Variants in TEX11 observed in about 807,000 individuals in gnomAD.
TEX11 encodes the protein testis-expressed protein 11.
TEX11 carries 7 observed loss-of-function variants against 84.4 expected under a neutral mutation model. The observed-to-expected ratio is 0.08, with a 90% CI of 0.05 to 0.16. The LOEUF is 0.16. Among genes scored for constraint, TEX11 ranks in the 10% least tolerant of loss-of-function variants. TEX11 has a pLI of 1.00. For synonymous variants in TEX11, 264 were observed against 222.8 expected, an observed-to-expected ratio of 1.18 and a Z score of -1.64; for missense variants, 551 against 660.5, an observed-to-expected ratio of 0.83 and a Z score of 1.82.
rs780763233 is a variant in TEX11, at chrX:70,603,801, C to T, written c.2067+1600G>A. Among the ~76,000 whole-genome samples, 137 of 110,565 alleles carry T rather than the reference C, an allele frequency of 1.2e-3. No homozygotes were observed. In the Middle Eastern group the frequency reaches 0.014, roughly 11 times the overall value. ...TGGGAGAAAATTTTCGCAACCTACT[C>T]ATCTGACAAAGGGCTAATATCCAGA... is the stretch of plus-strand genomic sequence containing the variant. On this transcript the variant is annotated intron_variant, in intron 24 of 29. Transcript: ENST00000374333.
chrX:70,684,188 G>C (rs1358448243), intron 13 of TEX11, among the ~76,000 whole-genome samples: 1 of 112,292 alleles, frequency 8.9e-6, no homozygotes, highest in Non-Finnish European at 1.9e-5. Context: ...TAAAGTTGCA[G>C]GTTACAAAAT....
chrX:70,897,230 T>TTA (rs1257209492), intron 2 of TEX11, among the ~76,000 whole-genome samples: 2 of 51,291 alleles, frequency 3.9e-5, no homozygotes, highest in African/African-American at 9.9e-5. Flanking sequence ...TATATATGTT[T>TTA]TATATATATA....
chrX:70,522,038 G>T, the TEX11 span, among the ~76,000 whole-genome samples: 1 of 110,965 alleles, frequency 9.0e-6, no homozygotes, highest in African/African-American at 3.3e-5. Context: ...TTTGTATTTT[G>T]TTGTAGAGAC....
chrX:70,626,792 T>G (rs1166069196), intron 18 of TEX11, among the ~76,000 whole-genome samples: 1 of 112,466 alleles, frequency 8.9e-6, no homozygotes, highest in Non-Finnish European at 1.9e-5. Context: ...GCAAGCATAT[T>G]GCACTTCCGT....
chrX:70,571,811 G>GAT (rs57471849), intron 25 of TEX11, among the ~76,000 whole-genome samples: 13,658 of 110,132 alleles, frequency 0.12, 713 homozygotes, highest in Middle Eastern at 0.19. Flanking sequence ...TATGTATTGT[G>GAT]ATATATATAT....
chrX:70,527,084 G>A (rs2147921425), downstream of TEX11, among the ~76,000 whole-genome samples: 1 of 112,185 alleles, frequency 8.9e-6, no homozygotes, highest in Admixed American at 9.5e-5. Flanking sequence ...AATAAATGAA[G>A]AAGGAATGAT....
At chrX:70,822,249 C>A (rs2091321826) in intron 8 of TEX11, among the ~76,000 whole-genome samples, 1 of 110,889 alleles carries the variant, frequency 9.0e-6, no homozygotes, top group African/African-American at 3.3e-5. Context: ...TATTTTCAAT[C>A]CCCAGTTGGT....
chrX:70,732,885 T>C (rs1224646417), intron 11 of TEX11, among the ~76,000 whole-genome samples: 1 of 112,000 alleles, frequency 8.9e-6, no homozygotes, highest in Non-Finnish European at 1.9e-5. Context: ...AGCATCACGC[T>C]ACCTGACTTC....
intron 10 of TEX11, among the ~76,000 whole-genome samples, chrX:70,743,711 G>C (rs1345230077): frequency 1.8e-5 from 2 of 110,387 alleles, no homozygotes; most frequent in Admixed American, 2.0e-4. Flanking sequence ...CCCCGTCTCT[G>C]CTAAAAACAC....
chrX:70,697,659 C>T (rs1045851987), intron 13 of TEX11, among the ~76,000 whole-genome samples: 2 of 111,949 alleles, frequency 1.8e-5, no homozygotes, highest in Non-Finnish European at 3.8e-5. Flanking sequence ...CACAGACATA[C>T]AGCTCAACTT....
Position 70,605,374 on chromosome X carries a change from GTCTTT to G in TEX11, c.2067+22_2067+26del. ...ATATCAAATAGCACACTGAACTCTT[GTCTTT>G]TCTTTGAAGGTTGCACATTACCTGT... is the stretch of plus-strand genomic sequence containing the variant. On this transcript the variant is annotated intron_variant, in intron 24 of 29. Coordinates refer to ENST00000374333, the MANE Select transcript of TEX11 (RefSeq NM_031276.3). 2.9e-6 allele frequency: 3 copies of G among 1,029,638 alleles called. No individual in the cohort carries two copies. In the East Asian group the frequency reaches 9.2e-5, roughly 32 times the overall value. 84.9% of individuals were successfully genotyped at this position (1,029,638 alleles called of 1,213,427 possible). A position where few individuals can be genotyped will look rare whatever the true frequency, so the allele number is the denominator to read the frequency against.
At chrX:70,514,367 C>T in the TEX11 span, among the ~76,000 whole-genome samples, 2 of 110,431 alleles carry the variant, frequency 1.8e-5, no homozygotes, top group East Asian at 2.9e-4. Context: ...GAGGCTGAGG[C>T]GGGTGGATCA....
At chrX:70,854,121 A>G (rs1043872674) in intron 5 of TEX11, among the ~76,000 whole-genome samples, 2 of 112,452 alleles carry the variant, frequency 1.8e-5, no homozygotes, top group African/African-American at 6.5e-5. Flanking sequence ...AGGGAAACCA[A>G]TGCCATGAAA....
chrX:70,890,575 C>T (rs1225705849), intron 2 of TEX11, among the ~76,000 whole-genome samples: 2 of 112,747 alleles, frequency 1.8e-5, no homozygotes, highest in South Asian at 3.7e-4. Flanking sequence ...CTTGGCAGGT[C>T]CCACGACAAC....
At chrX:70,551,991 G>T in intron 28 of TEX11, 135 bp downstream of exon 28, 1 of 725,700 alleles carries the variant, frequency 1.4e-6, no homozygotes, top group Non-Finnish European at 1.9e-6. Flanking sequence ...ATTCTGTAGT[G>T]TGTAACTACA....
intron 9 of TEX11, among the ~76,000 whole-genome samples, chrX:70,760,990 C>T (rs188059723): frequency 2.7e-4 from 30 of 112,189 alleles, no homozygotes; most frequent in East Asian, 1.7e-3. Context: ...ATTTATGCAG[C>T]GAACAGACAT....
intron 13 of TEX11, among the ~76,000 whole-genome samples, chrX:70,710,788 C>A (rs758260556): frequency 9.1e-6 from 1 of 110,114 alleles, no homozygotes; most frequent in South Asian, 3.9e-4. Flanking sequence ...AAAGATATAG[C>A]AAATTAATTT....
At position 70,529,078 on chromosome X, in the gene TEX11, T is replaced by C. The variant is rs746121115; in HGVS notation, c.*17A>G. 3.8e-5 allele frequency: 45 copies of C among 1,178,014 alleles called. No homozygotes were observed. The highest frequency in any genetic ancestry group is 3.1e-5 in the Non-Finnish European group (27 of 867,952). ...ATCTCGGGACAATGTATCTTCTTCA[T>C]GTGGCCATGAGCTTGCCTAATCTGA... is the stretch of plus-strand genomic sequence containing the variant. On this transcript the variant is annotated 3_prime_UTR_variant, in exon 30 of 30. Coordinates refer to ENST00000374333, the MANE Select transcript of TEX11 (RefSeq NM_031276.3).
intron 13 of TEX11, among the ~76,000 whole-genome samples, chrX:70,685,019 A>T (rs1471872652): frequency 8.9e-6 from 1 of 111,987 alleles, no homozygotes; most frequent in Admixed American, 9.5e-5. Flanking sequence ...TATATAGCCA[A>T]CTAGTATTTG....
Sources: gnomAD v4.1 joint callset for allele counts (sites outside exome capture counted in the v4.1 genomes callset) on GRCh38, gnomAD v4.1.1 for gene constraint, MANE v1.5 for transcripts, NCBI Gene and HGNC (gene_info 2026-07-23, HGNC 2026-07-21) for gene names.